TBC1D21: variants seen among roughly 807,000 people sequenced by gnomAD.
TBC1D21 encodes male germ cell Rab GTPase-activating protein.
TBC1D21 carries 38 observed loss-of-function variants against 46.0 expected under a neutral mutation model. The ratio of observed to expected loss-of-function variants is 0.83; its 90% CI spans 0.64 to 1.08. The LOEUF (loss-of-function observed/expected upper bound fraction) is 1.08, where lower values mean the gene tolerates loss of function less well. TBC1D21 is among the 50% of genes least tolerant of loss of function. TBC1D21 has a pLI of 0.00. For missense variants in TBC1D21, 415 were observed against 417.9 expected (o/e 0.99, Z 0.06); for synonymous variants, 151 against 157.2 (o/e 0.96, Z 0.29).
intron 1 of TBC1D21, among the ~76,000 whole-genome samples, chr15:73,878,972 T>C (rs2068107981): frequency 6.6e-6 from 1 of 152,202 alleles, no homozygotes; most frequent in South Asian, 2.1e-4. Context: ...GCAGTGTCTA[T>C]GCAGGTGGGG....
At chr15:73,905,623 C>T in the TBC1D21 span, among the ~76,000 whole-genome samples, 1 of 152,204 alleles carries the variant, frequency 6.6e-6, no homozygotes. Flanking sequence ...GGAGTATTTA[C>T]ACCATGGAAA....
rs140701676 is a variant in TBC1D21, at chr15:73,886,106, T to C, written c.608T>C (p.Val203Ala). 3.4e-4 allele frequency: 544 copies of C among 1,614,202 alleles called. 2 individuals carry two copies. In the African/African-American group the frequency reaches 6.6e-3, roughly 19 times the overall value. The stretch of plus-strand genomic sequence containing the variant: ...CACAGCTGTGTCATCAACATTGGCG[T>C]GGCCAAGAACCTAGACATGCTCAGC... ...TEHSCVINIG[V>A]AKNLDMLSTL... Residue 203 changes from valine (V) to alanine (A), a missense_variant, in exon 7 of 11, where the codon GTG becomes GCG. Coordinates refer to ENST00000300504, the MANE Select transcript of TBC1D21 (RefSeq NM_153356.3).
chr15:73,901,866 T>G, the TBC1D21 span, among the ~76,000 whole-genome samples: 58 of 152,202 alleles, frequency 3.8e-4, no homozygotes, highest in South Asian at 0.011. Context: ...GTCTGGAGTA[T>G]AGAGGCACCA....
Position 73,889,075 on chromosome 15 carries a change from C to T in TBC1D21, c.985C>T (p.Gln329Ter). The T allele has an allele frequency of 6.2e-7, 1 of 1,613,514 alleles. No homozygotes were observed. Residue 329 changes from glutamine to a stop codon, truncating the protein, a stop_gained, in exon 11 of 11, where the codon CAG (glutamine) becomes TAG (stop). Coordinates refer to ENST00000300504, the MANE Select transcript of TBC1D21 (RefSeq NM_153356.3). LOFTEE classifies it high-confidence loss of function. ...CCACCTGCCTCCTCCCTAGGTTCCT[C>T]AGACATTAAAGGATTTCTTCCTCTG... Reference protein sequence around the residue: ...YAELIQKDVPQTLKDFFL With the variant: ...YAELIQKDVP
rs754397398 is a variant in TBC1D21 at position 73,886,589 on chromosome 15, G to A, written c.754G>A (p.Asp252Asn). ...FCFQRAFKSF[D>N]DVWRLWEVLL... is the part of the protein sequence containing the mutation. ...CTTCCAGCGTGCCTTCAAGTCCTTC[G>A]ATGATGTCTGGAGGCTCTGGGAGGT... is the stretch of plus-strand genomic sequence containing the variant. Residue 252 changes from aspartate (D) to asparagine (N), a missense_variant, in exon 8 of 11, where the codon GAT becomes AAT. Physicochemically the swap from Asp to Asn is conservative, Grantham distance 23. Transcript: ENST00000300504. The A allele has an allele frequency of 3.1e-6, 5 of 1,613,410 alleles. No homozygotes were observed. Among genetic ancestry groups the A allele is most frequent in the African/African-American group, 2.7e-5 (2 of 74,902 alleles).
the TBC1D21 span, among the ~76,000 whole-genome samples, chr15:73,905,530 C>T: frequency 6.6e-6 from 1 of 152,094 alleles, no homozygotes; most frequent in East Asian, 1.9e-4. Context: ...AGTCAGCTTG[C>T]TGGAAAAAAA....
intron 1 of TBC1D21, among the ~76,000 whole-genome samples, chr15:73,877,484 A>G (rs1255549093): frequency 6.7e-6 from 1 of 150,318 alleles, no homozygotes; most frequent in Non-Finnish European, 1.5e-5. Context: ...AAGAAATAAT[A>G]CCAATTCTAT....
chr15:73,888,582 T>TTCCTCCTCCTCCTCCTCC lies in TBC1D21; in HGVS notation c.978+75_978+92dup, dbSNP rs765267990. On this transcript the variant is annotated intron_variant, in intron 10 of 10. Coordinates refer to ENST00000300504, the MANE Select transcript of TBC1D21 (RefSeq NM_153356.3). ...CCTCCTCTTCCTCCTCCTCCTCCTC[T>TTCCTCCTCCTCCTCCTCC]TCCTCCTCCTCCTCCTCCTCCTCTT... 7.4e-5 allele frequency: 61 copies of TTCCTCCTCCTCCTCCTCC among 823,842 alleles called. No homozygotes were observed. The Middle Eastern group carries it at 1.6e-3, about 22-fold the overall frequency. 51.0% of individuals were successfully genotyped at this position (823,842 alleles called of 1,614,324 possible).
intron 7 of TBC1D21, 109 bp from the exon 8 acceptor site, chr15:73,886,403 T>C (rs1395917876): frequency 3.7e-6 from 4 of 1,075,602 alleles, no homozygotes; most frequent in Non-Finnish European, 5.6e-6. Context: ...GGCAGGCTTT[T>C]TGTATTTCCC....
At chr15:73,902,890 C>T in the TBC1D21 span, among the ~76,000 whole-genome samples, 3 of 152,164 alleles carry the variant, frequency 2.0e-5, no homozygotes, top group Non-Finnish European at 2.9e-5. Context: ...GGGAGGCCCC[C>T]CTCTACATTT....
chr15:73,887,497 C>A (rs912782183), intron 8 of TBC1D21, 123 bp from the exon 9 acceptor site: 17 of 753,926 alleles, frequency 2.3e-5, no homozygotes, highest in Non-Finnish European at 4.0e-5. Flanking sequence ...ATTGAATGAG[C>A]AAGTCAGCAG....
the TBC1D21 span, among the ~76,000 whole-genome samples, chr15:73,902,442 C>G: frequency 6.6e-6 from 1 of 152,194 alleles, no homozygotes; most frequent in East Asian, 1.9e-4. Flanking sequence ...AAGCTGGAAG[C>G]CTTTGAAATC....
chr15:73,886,272 A>T (rs1276173743), intron 7 of TBC1D21, 98 bp downstream of exon 7: 2 of 1,102,988 alleles, frequency 1.8e-6, no homozygotes, highest in Non-Finnish European at 2.7e-6. Context: ...GGGGCTGGAG[A>T]GCAGCAGAAT....
the TBC1D21 span, among the ~76,000 whole-genome samples, chr15:73,904,416 C>T: frequency 2.0e-5 from 3 of 152,268 alleles, no homozygotes; most frequent in Non-Finnish European, 2.9e-5. Context: ...TCCAATTCTG[C>T]ATTCAGTGGC....
intron 9 of TBC1D21, 127 bp from the exon 10 acceptor site, chr15:73,888,303 G>A (rs894150272): frequency 2.7e-6 from 2 of 727,982 alleles, no homozygotes; most frequent in Admixed American, 2.2e-5. Context: ...GAGGTCAGGT[G>A]GTCCCCAGCG....
chr15:73,884,962 T>TCCCCCCCCC, intron 5 of TBC1D21, 41 bp from the exon 6 acceptor site: 2 of 1,593,070 alleles, frequency 1.3e-6, no homozygotes, highest in Non-Finnish European at 1.7e-6. Flanking sequence ...GTCCAGGCTC[T>TCCCCCCCCC]CCCACCCAGC....
chr15:73,887,177 A>G (rs1042394768), intron 8 of TBC1D21, among the ~76,000 whole-genome samples: 22 of 152,170 alleles, frequency 1.4e-4, no homozygotes, highest in Non-Finnish European at 2.8e-4. Flanking sequence ...AGGGCCCCAC[A>G]GATCTATTCC....
chr15:73,877,514 T>TAAAAAAAAAA (rs541803630), intron 1 of TBC1D21, among the ~76,000 whole-genome samples: 2 of 72,696 alleles, frequency 2.8e-5, no homozygotes, highest in African/African-American at 1.3e-4. Flanking sequence ...TCCAGAAAAC[T>TAAAAAAAAAA]AAAAAAAAAA....
intron 1 of TBC1D21, among the ~76,000 whole-genome samples, chr15:73,873,997 A>C (rs1300449799): frequency 6.6e-6 from 1 of 152,228 alleles, no homozygotes; most frequent in Non-Finnish European, 1.5e-5. Flanking sequence ...CATATGTGCT[A>C]TTCTAACTTT....
Sources: gnomAD v4.1 joint callset for allele counts (sites outside exome capture counted in the v4.1 genomes callset) on GRCh38, gnomAD v4.1.1 for gene constraint, MANE v1.5 for transcripts, NCBI Gene and HGNC (gene_info 2026-07-23, HGNC 2026-07-21) for gene names.